SPATS2: variants seen among roughly 807,000 people sequenced by gnomAD.
SPATS2 encodes spermatogenesis-associated serine-rich protein 2.
In SPATS2, 38 loss-of-function variants were observed where a neutral mutation model predicts 63.7. The ratio of observed to expected loss-of-function variants is 0.60; its 90% CI spans 0.46 to 0.78. The LOEUF is 0.78. SPATS2 is among the 30% of genes least tolerant of loss of function. The pLI, the probability that SPATS2 is intolerant of heterozygous loss-of-function variation, is 0.00. For synonymous variants in SPATS2, 207 were observed against 232.9 expected (o/e 0.89, Z 1.01); for missense variants, 588 against 666.2 (o/e 0.88, Z 1.29).
chr12:49,436,213 G>C (rs1362148473), intron 2 of SPATS2, among the ~76,000 whole-genome samples: 1 of 150,978 alleles, frequency 6.6e-6, no homozygotes, highest in Non-Finnish European at 1.5e-5. Context: ...TTCCCAGTAG[G>C]GGCGGCCGGG....
intron 9 of SPATS2, among the ~76,000 whole-genome samples, chr12:49,504,483 A>C (rs1411784866): frequency 6.6e-6 from 1 of 152,220 alleles, no homozygotes; most frequent in Admixed American, 6.5e-5. Flanking sequence ...TGAAGCTAGA[A>C]TATATAAACT....
chr12:49,398,873 G>C (rs946111575), intron 2 of SPATS2, among the ~76,000 whole-genome samples: 2 of 152,050 alleles, frequency 1.3e-5, no homozygotes, highest in African/African-American at 4.8e-5. Flanking sequence ...TAGGTAATAG[G>C]GAGCTTGTTT....
intron 2 of SPATS2, among the ~76,000 whole-genome samples, chr12:49,374,220 T>G (rs1944052918): frequency 6.6e-6 from 1 of 152,188 alleles, no homozygotes; most frequent in Admixed American, 6.5e-5. Flanking sequence ...GTCCTTGAAC[T>G]CCTTGAACTC....
intron 2 of SPATS2, among the ~76,000 whole-genome samples, chr12:49,453,222 G>A (rs779652775): frequency 2.6e-5 from 4 of 151,402 alleles, no homozygotes; most frequent in Admixed American, 6.6e-5. Flanking sequence ...GGGCCTACTC[G>A]GGGGCATTTC....
chr12:49,399,986 C>CAA (rs1201696116), intron 2 of SPATS2, among the ~76,000 whole-genome samples: 12 of 151,932 alleles, frequency 7.9e-5, no homozygotes, highest in African/African-American at 2.9e-4. Flanking sequence ...CAGTGAGCAG[C>CAA]GATCACGCCA....
chr12:49,504,770 C>CTTT (rs745453843), intron 9 of SPATS2, among the ~76,000 whole-genome samples: 23 of 98,824 alleles, frequency 2.3e-4, no homozygotes, highest in Non-Finnish European at 3.5e-4. Flanking sequence ...TTCTTTCTTT[C>CTTT]TTTTTTTTTT....
intron 8 of SPATS2, 99 bp downstream of exon 8, chr12:49,497,108 G>A (rs1223856780): frequency 1.7e-6 from 2 of 1,210,306 alleles, no homozygotes; most frequent in Admixed American, 5.5e-5. Flanking sequence ...TTTCAGAAGG[G>A]CATCAGTTAA....
At chr12:49,447,664 A>G (rs868572831) in intron 2 of SPATS2, among the ~76,000 whole-genome samples, 4 of 152,196 alleles carry the variant, frequency 2.6e-5, no homozygotes, top group Middle Eastern at 6.8e-3. Context: ...TATTAATTCA[A>G]TTTCTTGATA....
At chr12:49,382,545 CCCCTTTACTTTGATCCCTAACACTAG>C (rs1944241083) in intron 2 of SPATS2, among the ~76,000 whole-genome samples, 1 of 151,866 alleles carries the variant, frequency 6.6e-6, no homozygotes, top group African/African-American at 2.4e-5. Context: ...AGCAAAAGGT[CCCCTTTACTTTGATCCCTAACACTAG>C]CCCTTTCCAA....
chr12:49,369,797 C>G (rs1943967355), intron 1 of SPATS2, among the ~76,000 whole-genome samples: 1 of 152,208 alleles, frequency 6.6e-6, no homozygotes, highest in African/African-American at 2.4e-5. Flanking sequence ...TGCTGAGGTA[C>G]TGTGCATACG....
At chr12:49,488,606 C>T (rs1439658780) in intron 4 of SPATS2, among the ~76,000 whole-genome samples, 3 of 151,760 alleles carry the variant, frequency 2.0e-5, no homozygotes, top group Non-Finnish European at 2.9e-5. Context: ...TGCAGTGAGC[C>T]GAGATCACAC....
chr12:49,486,027 G>A (rs1946286235), intron 4 of SPATS2, among the ~76,000 whole-genome samples: 2 of 151,928 alleles, frequency 1.3e-5, no homozygotes, highest in Admixed American at 6.6e-5. Flanking sequence ...CCAAAGTGCT[G>A]GGATTATAGG....
chr12:49,403,248 C>T (rs112910087), intron 2 of SPATS2, among the ~76,000 whole-genome samples: 17 of 150,656 alleles, frequency 1.1e-4, no homozygotes, highest in Non-Finnish European at 2.1e-4. Context: ...TAGGGAAAGG[C>T]GGAGGAGCTG....
rs574348006 is a variant in SPATS2, at chr12:49,517,448, T to C, written c.899-1625T>C. 2.2e-4 allele frequency among the ~76,000 whole-genome samples: 33 copies of C among 152,340 alleles called. 1 individual carries two copies. The highest frequency in any genetic ancestry group is 7.0e-4 in the African/African-American group (29 of 41,572). On this transcript the variant is annotated intron_variant, in intron 10 of 13. Transcript: ENST00000552918. ...GACGTGAATTTGGCTAATTCCTCAG[T>C]GTGTTACAGGATTCTATGTATATCA...
intron 3 of SPATS2, among the ~76,000 whole-genome samples, chr12:49,467,215 A>ATTT (rs35462676): frequency 2.5e-5 from 3 of 119,938 alleles, no homozygotes; most frequent in South Asian, 2.8e-4. Flanking sequence ...TGCCTGGCTA[A>ATTT]TTTTTTTTTT....
chr12:49,379,753 G>T (rs914944720), intron 2 of SPATS2, among the ~76,000 whole-genome samples: 13 of 150,820 alleles, frequency 8.6e-5, no homozygotes, highest in Non-Finnish European at 1.6e-4. Context: ...CTCCCGAGTA[G>T]CTGAGACTAC....
intron 2 of SPATS2, among the ~76,000 whole-genome samples, chr12:49,392,835 T>A (rs1479050298): frequency 6.6e-6 from 1 of 151,898 alleles, no homozygotes; most frequent in Non-Finnish European, 1.5e-5. Context: ...GTGGATCACC[T>A]GAGGTCAGGA....
chr12:49,474,654 C>G (rs74089517), intron 3 of SPATS2, among the ~76,000 whole-genome samples: 7,487 of 152,240 alleles, frequency 0.049, 364 homozygotes, highest in African/African-American at 0.12. Flanking sequence ...CCTCACTGTC[C>G]AGATTCTTAC....
chr12:49,416,182 A>G (rs1944886279), intron 2 of SPATS2, among the ~76,000 whole-genome samples: 1 of 152,130 alleles, frequency 6.6e-6, no homozygotes, highest in Non-Finnish European at 1.5e-5. Flanking sequence ...GGCTAGGCAG[A>G]TCTTTTTTAG....
Sources: gnomAD v4.1 joint callset for allele counts (sites outside exome capture counted in the v4.1 genomes callset) on GRCh38, gnomAD v4.1.1 for gene constraint, MANE v1.5 for transcripts, NCBI Gene and HGNC (gene_info 2026-07-23, HGNC 2026-07-21) for gene names.